The following UNC5D variants were observed in gnomAD, a reference collection of about 807,000 sequenced individuals.
The protein encoded by UNC5D is unc-5 netrin receptor D, also known as netrin receptor UNC5D.
In UNC5D, 39 loss-of-function variants were observed where a neutral mutation model predicts 105.4. The observed-to-expected ratio is 0.37, with a 90% confidence interval of 0.29 to 0.48. UNC5D has a LOEUF of 0.48. Among genes scored for constraint, UNC5D ranks in the 20% least tolerant of loss-of-function variants. The pLI, the probability that UNC5D is intolerant of heterozygous loss-of-function variation, is 0.98. For missense variants in UNC5D, 991 were observed against 1,202.4 expected (o/e 0.82, Z 2.60); for synonymous variants, 452 against 450.4 (o/e 1.00, Z -0.04).
At chr8:35,274,555 T>C (rs1563271017) in intron 1 of UNC5D, among the ~76,000 whole-genome samples, 1 of 152,146 alleles carries the variant, frequency 6.6e-6, no homozygotes, top group Admixed American at 6.5e-5. Context: ...GACAAGCGTT[T>C]ATATCAGCCT....
intron 1 of UNC5D, among the ~76,000 whole-genome samples, chr8:35,458,026 T>C (rs1010117026): frequency 6.6e-6 from 1 of 152,084 alleles, no homozygotes; most frequent in African/African-American, 2.4e-5. Flanking sequence ...CTTGTGGAGT[T>C]TATTAGTTGA....
chr8:35,712,841 T>G (rs1219192288), intron 8 of UNC5D, among the ~76,000 whole-genome samples: 1 of 152,214 alleles, frequency 6.6e-6, no homozygotes, highest in East Asian at 1.9e-4. Flanking sequence ...AAGCTAACAT[T>G]AGGCTACTGG....
At chr8:35,439,452 A>G (rs1318111113) in intron 1 of UNC5D, among the ~76,000 whole-genome samples, 3 of 152,068 alleles carry the variant, frequency 2.0e-5, no homozygotes, top group Admixed American at 1.3e-4. Context: ...ATTTCGTGCC[A>G]TTCTTCCCAA....
At chr8:35,435,028 TAAAA>T (rs557879109) in intron 1 of UNC5D, among the ~76,000 whole-genome samples, 103 of 151,928 alleles carry the variant, frequency 6.8e-4, no homozygotes, top group Admixed American at 1.3e-3. Context: ...GTGCTGAACC[TAAAA>T]AAAAGTTAAA....
intron 1 of UNC5D, chr8:35,544,541 G>C (rs1217331068): frequency 1.2e-6 from 2 of 1,611,326 alleles, no homozygotes; most frequent in Non-Finnish European, 1.7e-6. Flanking sequence ...ACCAGGTAAG[G>C]CAGGAACAAA....
intron 11 of UNC5D, among the ~76,000 whole-genome samples, chr8:35,746,394 AAGTTCCGGTGAACTT>A (rs1391437866): frequency 6.6e-6 from 1 of 152,164 alleles, no homozygotes; most frequent in Non-Finnish European, 1.5e-5. Flanking sequence ...GATTTTTGTG[AAGTTCCGGTGAACTT>A]CTGGTGAAGT....
At chr8:35,641,127 T>G (rs1418026369) in intron 4 of UNC5D, among the ~76,000 whole-genome samples, 1 of 151,952 alleles carries the variant, frequency 6.6e-6, no homozygotes, top group Non-Finnish European at 1.5e-5. Flanking sequence ...GTTAAGAAAT[T>G]TCCCAAAGGC....
chr8:35,343,365 T>G (rs1811589861), intron 1 of UNC5D, among the ~76,000 whole-genome samples: 1 of 152,132 alleles, frequency 6.6e-6, no homozygotes, highest in Non-Finnish European at 1.5e-5. Context: ...TTTTAATCTT[T>G]GCTAACCTGA....
intron 6 of UNC5D, 149 bp downstream of exon 6, chr8:35,684,898 A>C: frequency 4.7e-6 from 5 of 1,059,352 alleles, no homozygotes; most frequent in Non-Finnish European, 5.1e-6. Context: ...TGTAAAGCTC[A>C]TTGTCATGGC....
chr8:35,383,831 G>A (rs965212862), intron 1 of UNC5D, among the ~76,000 whole-genome samples: 1 of 152,056 alleles, frequency 6.6e-6, no homozygotes, highest in African/African-American at 2.4e-5. Flanking sequence ...GTAATCCCAG[G>A]GCTTTGGGAG....
chr8:35,480,566 A>G (rs2129966712), intron 1 of UNC5D, among the ~76,000 whole-genome samples: 1 of 152,332 alleles, frequency 6.6e-6, no homozygotes, highest in Non-Finnish European at 1.5e-5. Context: ...AAACAAAACA[A>G]TAATCATTAT....
At chr8:35,650,891 A>G (rs960934151) in intron 4 of UNC5D, among the ~76,000 whole-genome samples, 1 of 152,214 alleles carries the variant, frequency 6.6e-6, no homozygotes, top group Non-Finnish European at 1.5e-5. Flanking sequence ...AATGAGAATG[A>G]GATACCTTGT....
intron 11 of UNC5D, among the ~76,000 whole-genome samples, chr8:35,739,879 C>T (rs1829669907): frequency 6.6e-6 from 1 of 152,190 alleles, no homozygotes; most frequent in East Asian, 1.9e-4. Flanking sequence ...TAAGACAATC[C>T]ACATAGCCCT....
chr8:35,419,213 T>A (rs1188626414), intron 1 of UNC5D, among the ~76,000 whole-genome samples: 1 of 152,190 alleles, frequency 6.6e-6, no homozygotes, highest in Non-Finnish European at 1.5e-5. Flanking sequence ...TTTTGAATCT[T>A]TGTGACCAGC....
chr8:35,385,677 G>C (rs754779716), intron 1 of UNC5D, among the ~76,000 whole-genome samples: 1 of 152,016 alleles, frequency 6.6e-6, no homozygotes, highest in Non-Finnish European at 1.5e-5. Flanking sequence ...GTGTTAGCCA[G>C]GATGGTCTCG....
Position 35,670,815 on chromosome 8 carries a change from A to T in UNC5D, c.571-12732A>T, listed in dbSNP as rs552124706. Reference sequence around the variant, plus strand: ...TAGGTGTAGGAAATCACCATGGCACATGTATACCTATGTGACAAAGCTGCA... The same window carrying T: ...TAGGTGTAGGAAATCACCATGGCACTTGTATACCTATGTGACAAAGCTGCA... On this transcript the variant is annotated intron_variant, in intron 4 of 16. Coordinates refer to ENST00000404895, the MANE Select transcript of UNC5D (RefSeq NM_080872.4). Among the ~76,000 whole-genome samples the T allele has an allele frequency of 6.6e-5, 10 of 152,246 alleles. No individual in the cohort carries two copies. The South Asian group carries it at 2.1e-3, about 32-fold the overall frequency.
At chr8:35,340,781 T>TC (rs2128901769) in intron 1 of UNC5D, among the ~76,000 whole-genome samples, 1 of 152,228 alleles carries the variant, frequency 6.6e-6, no homozygotes, top group Admixed American at 6.5e-5. Flanking sequence ...ATATAAGGAT[T>TC]TGTTGGTTTA....
chr8:35,313,783 A>G lies in UNC5D; in HGVS notation c.103+77896A>G, dbSNP rs1206269566. 2.6e-5 allele frequency among the ~76,000 whole-genome samples: 4 copies of G among 152,206 alleles called. No homozygotes were observed. In the South Asian group the frequency reaches 8.3e-4, roughly 32 times the overall value. On this transcript the variant is annotated intron_variant, in intron 1 of 16. Coordinates refer to ENST00000404895, the MANE Select transcript of UNC5D (RefSeq NM_080872.4). ...CTTCATCATTTGTTACATGGACATA[A>G]TAACAGTACAACCCTCATAGGATTA...
chr8:35,447,321 G>A (rs993221240), intron 1 of UNC5D, among the ~76,000 whole-genome samples: 4 of 152,040 alleles, frequency 2.6e-5, no homozygotes, highest in South Asian at 2.1e-4. Flanking sequence ...ATAGCATTCA[G>A]GGGGTTAATT....
Sources: gnomAD v4.1 joint callset for allele counts (sites outside exome capture counted in the v4.1 genomes callset) on GRCh38, gnomAD v4.1.1 for gene constraint, MANE v1.5 for transcripts, NCBI Gene and HGNC (gene_info 2026-07-23, HGNC 2026-07-21) for gene names.